The following TEX10 variants were observed in gnomAD, a reference collection of about 807,000 sequenced individuals.
The protein encoded by TEX10 is testis expressed 10, also known as testis-expressed protein 10.
A neutral mutation model predicts 104.4 loss-of-function variants in TEX10; 24 were observed. That is an observed-to-expected ratio of 0.23 (90% CI 0.17 to 0.32). The LOEUF (loss-of-function observed/expected upper bound fraction) is 0.32. Among genes scored for constraint, TEX10 ranks in the 10% least tolerant of loss-of-function variants. The pLI is 1.00. For synonymous variants in TEX10, 396 were observed against 393.4 expected (o/e 1.01, Z -0.08); for missense variants, 921 against 1,083.9 (o/e 0.85, Z 2.11).
intron 5 of TEX10, among the ~76,000 whole-genome samples, chr9:100,330,787 T>C (rs1834842470): frequency 6.6e-6 from 1 of 152,262 alleles, no homozygotes; most frequent in African/African-American, 2.4e-5. Flanking sequence ...CTGTGGTATA[T>C]TCAACAGCAG....
intron 13 of TEX10, chr9:100,305,139 A>G (rs1834113976): frequency 6.6e-6 from 1 of 152,234 alleles, no homozygotes; most frequent in Non-Finnish European, 1.5e-5. Flanking sequence ...ATGGTGCAAT[A>G]TTCACATAGA....
intron 9 of TEX10, 39 bp downstream of exon 9, chr9:100,326,263 G>A: frequency 6.3e-7 from 1 of 1,590,024 alleles, no homozygotes; most frequent in Non-Finnish European, 8.6e-7. Flanking sequence ...AGGGGAAAAA[G>A]ATTATACACT....
chr9:100,348,035 A>G (rs536030360), intron 2 of TEX10, among the ~76,000 whole-genome samples: 1 of 152,366 alleles, frequency 6.6e-6, no homozygotes, highest in East Asian at 1.9e-4. Flanking sequence ...GTGATCAACA[A>G]TATGTGACCT....
At position 100,335,948 on chromosome 9, in the gene TEX10, G is replaced by A. The variant is rs182467380; in HGVS notation, c.1250+4309C>T. Among the ~76,000 whole-genome samples, 8 of 151,842 alleles carry A rather than the reference G, an allele frequency of 5.3e-5. No homozygotes were observed. The East Asian group carries it at 9.7e-4, about 18-fold the overall frequency. On this transcript the variant is annotated intron_variant, in intron 5 of 14. Transcript: ENST00000374902. The stretch of plus-strand genomic sequence containing the variant: ...AAATACAGGCTGGGCACAGTGGCTC[G>A]CCTGAGGTCAGGAGTTCGAGACCAG...
chr9:100,335,153 C>T (rs968956706), intron 5 of TEX10, among the ~76,000 whole-genome samples: 22 of 152,276 alleles, frequency 1.4e-4, no homozygotes, highest in African/African-American at 4.3e-4. Context: ...GCTTTATGTA[C>T]ACTTCCCATT....
intron 11 of TEX10, among the ~76,000 whole-genome samples, chr9:100,318,189 A>T (rs975180329): frequency 2.0e-5 from 3 of 152,260 alleles, no homozygotes; most frequent in African/African-American, 7.2e-5. Flanking sequence ...CACAATTCAC[A>T]ATAGCAAATA....
At chr9:100,316,894 TAA>T (rs35651841) in intron 11 of TEX10, among the ~76,000 whole-genome samples, 3 of 53,466 alleles carry the variant, frequency 5.6e-5, no homozygotes, top group African/African-American at 7.9e-5. Flanking sequence ...TTATAATAGC[TAA>T]AAAAAAAAAA....
At chr9:100,302,553 A>G (rs186648782) in intron 14 of TEX10, among the ~76,000 whole-genome samples, 2 of 152,306 alleles carry the variant, frequency 1.3e-5, no homozygotes, top group Admixed American at 1.3e-4. Context: ...TGCACATGCT[A>G]GAGACTAATG....
At position 100,313,678 on chromosome 9, in the gene TEX10, G is replaced by A. The variant is rs1330999455; in HGVS notation, c.2203-3299C>T. 6.6e-5 allele frequency among the ~76,000 whole-genome samples: 10 copies of A among 151,600 alleles called. No individual in the cohort carries two copies. In the East Asian group the frequency reaches 1.6e-3, roughly 24 times the overall value. On this transcript the variant is annotated intron_variant, in intron 11 of 14. Transcript: ENST00000374902. ...AGCCTGGCCTACATGGTGAAACCCC[G>A]TCTCTACTAAAAATACAAAAGCAGG...
intron 4 of TEX10, among the ~76,000 whole-genome samples, chr9:100,343,697 A>C (rs1410916242): frequency 2.6e-5 from 4 of 152,250 alleles, no homozygotes; most frequent in Non-Finnish European, 5.9e-5. Flanking sequence ...AACATGTAAA[A>C]GCAAACAGTC....
At chr9:100,343,498 T>C (rs1005447003) in intron 4 of TEX10, among the ~76,000 whole-genome samples, 1 of 151,924 alleles carries the variant, frequency 6.6e-6, no homozygotes, top group African/African-American at 2.4e-5. Flanking sequence ...TTCAGTTGAT[T>C]ATTACAGAAT....
intron 11 of TEX10, among the ~76,000 whole-genome samples, chr9:100,317,990 G>A (rs1315780164): frequency 6.6e-6 from 1 of 152,046 alleles, no homozygotes; most frequent in African/African-American, 2.4e-5. Flanking sequence ...TATTGGTGAG[G>A]ATGCAGAACT....
intron 9 of TEX10, among the ~76,000 whole-genome samples, chr9:100,322,990 A>G (rs1197247786): frequency 6.6e-6 from 1 of 152,178 alleles, no homozygotes; most frequent in African/African-American, 2.4e-5. Context: ...CCCAGGTGAT[A>G]AGCAAAGGTC....
intron 4 of TEX10, among the ~76,000 whole-genome samples, chr9:100,340,618 G>GA (rs1564218163): frequency 1.3e-5 from 2 of 152,184 alleles, no homozygotes; most frequent in African/African-American, 4.8e-5. Context: ...GAGAAAAAGT[G>GA]AAAGTATCTG....
chr9:100,324,806 T>C (rs1409023557), intron 9 of TEX10, among the ~76,000 whole-genome samples: 3 of 152,152 alleles, frequency 2.0e-5, no homozygotes, highest in Non-Finnish European at 2.9e-5. Flanking sequence ...TGCCCTCTAC[T>C]GGAAGTCAAA....
intron 4 of TEX10, among the ~76,000 whole-genome samples, chr9:100,344,674 G>A (rs1427010039): frequency 2.0e-5 from 3 of 152,040 alleles, no homozygotes; most frequent in African/African-American, 7.2e-5. Flanking sequence ...GTAAAACCCC[G>A]TCTCTACTAA....
Position 100,346,275 on chromosome 9 carries a change from A to G in TEX10, c.934T>C (p.Ser312Pro), listed in dbSNP as rs1440991044. The G allele has an allele frequency of 9.9e-6, 16 of 1,613,982 alleles. No individual in the cohort carries two copies. Among genetic ancestry groups the G allele is most frequent in the Non-Finnish European group, 1.2e-5 (14 of 1,179,972 alleles). Residue 312 changes from serine to proline, a missense_variant, in exon 4 of 15, where the codon TCA becomes CCA. Coordinates refer to ENST00000374902, the MANE Select transcript of TEX10 (RefSeq NM_017746.4). Reference protein sequence around the residue: ...GGLSGVDEGLSSTENLKGFIE... With the variant: ...GGLSGVDEGLPSTENLKGFIE... ...AATCCTTTCAGGTTTTCAGTAGATG[A>G]CAGGCCTTCATCCACACCACTCAGT...
At chr9:100,309,223 T>C (rs969187512) in intron 12 of TEX10, among the ~76,000 whole-genome samples, 1 of 152,220 alleles carries the variant, frequency 6.6e-6, no homozygotes, top group African/African-American at 2.4e-5. Flanking sequence ...AGTTAACATT[T>C]GACTGTTTCA....
chr9:100,339,378 A>ATATG (rs1835114320), intron 5 of TEX10, among the ~76,000 whole-genome samples: 1 of 86,672 alleles, frequency 1.2e-5, no homozygotes, highest in Non-Finnish European at 2.1e-5. Context: ...ATATTTATAT[A>ATATG]TATTTATAAA....
Sources: allele counts gnomAD v4.1 joint callset (sites outside exome capture counted in the v4.1 genomes callset), GRCh38; gene constraint gnomAD v4.1.1; transcripts MANE v1.5; gene names NCBI Gene and HGNC (gene_info 2026-07-23, HGNC 2026-07-21).